The following SPOCK3 variants were observed in gnomAD, a reference collection of about 807,000 sequenced individuals.
SPOCK3 encodes SPARC (osteonectin), cwcv and kazal like domains proteoglycan 3.
SPOCK3 carries 30 observed loss-of-function variants against 56.6 expected under a neutral mutation model. The ratio of observed to expected loss-of-function variants is 0.53; its 90% CI spans 0.40 to 0.72. The LOEUF is 0.72. SPOCK3 is among the 30% of genes least tolerant of loss of function. SPOCK3 has a pLI of 0.00. For synonymous variants in SPOCK3, 196 were observed against 183.3 expected (o/e 1.07, Z -0.56); for missense variants, 527 against 530.0 (o/e 0.99, Z 0.06).
chr4:166,890,294 A>G (rs1734636522), intron 5 of SPOCK3, among the ~76,000 whole-genome samples: 1 of 151,870 alleles, frequency 6.6e-6, no homozygotes, highest in African/African-American at 2.4e-5. Context: ...TCTGAGTACC[A>G]TCTCCTAAAA....
intron 6 of SPOCK3, among the ~76,000 whole-genome samples, chr4:166,830,599 T>C (rs1467288951): frequency 3.9e-5 from 6 of 152,048 alleles, no homozygotes; most frequent in African/African-American, 1.4e-4. Flanking sequence ...CAAAAATTAG[T>C]GGCATATGCC....
At chr4:166,929,887 T>C (rs1029550461) in intron 4 of SPOCK3, among the ~76,000 whole-genome samples, 2 of 152,012 alleles carry the variant, frequency 1.3e-5, no homozygotes, top group African/African-American at 4.8e-5. Context: ...ATATGTATAA[T>C]GTTTGCATCA....
At chr4:166,751,143 T>A (rs72982162) in intron 8 of SPOCK3, among the ~76,000 whole-genome samples, 66 of 152,332 alleles carry the variant, frequency 4.3e-4, no homozygotes, top group African/African-American at 1.5e-3. Flanking sequence ...CTTTTAAAAC[T>A]TTATTAGATT....
intron 8 of SPOCK3, among the ~76,000 whole-genome samples, chr4:166,745,850 A>C (rs1173175636): frequency 6.6e-6 from 1 of 152,216 alleles, no homozygotes; most frequent in African/African-American, 2.4e-5. Flanking sequence ...GTCTCTGATA[A>C]AACAGACTTT....
At chr4:167,039,768 T>C (rs146689595) in intron 3 of SPOCK3, among the ~76,000 whole-genome samples, 163 of 152,270 alleles carry the variant, frequency 1.1e-3, no homozygotes, top group Non-Finnish European at 1.9e-3. Context: ...TAAAAGGTGT[T>C]ATCTGTATTT....
intron 9 of SPOCK3, among the ~76,000 whole-genome samples, chr4:166,738,535 T>C (rs182103259): frequency 4.6e-5 from 7 of 151,304 alleles, no homozygotes; most frequent in African/African-American, 1.7e-4. Flanking sequence ...TAGTTACATA[T>C]GTATACATGT....
chr4:166,796,729 T>C (rs1380698302), intron 6 of SPOCK3, among the ~76,000 whole-genome samples: 1 of 152,168 alleles, frequency 6.6e-6, no homozygotes, highest in Non-Finnish European at 1.5e-5. Flanking sequence ...ATGCAACACA[T>C]CATTCCTTAC....
intron 2 of SPOCK3, among the ~76,000 whole-genome samples, chr4:167,199,073 A>G (rs1287479286): frequency 6.6e-6 from 1 of 152,134 alleles, no homozygotes; most frequent in African/African-American, 2.4e-5. Context: ...AACAAATCAG[A>G]AAAGTAAAAA....
At chr4:166,925,060 G>A (rs1579667780) in intron 4 of SPOCK3, among the ~76,000 whole-genome samples, 1 of 152,072 alleles carries the variant, frequency 6.6e-6, no homozygotes, top group African/African-American at 2.4e-5. Context: ...GATATATAGA[G>A]AGATAAATAT....
chr4:166,984,713 T>C (rs1746949144), intron 4 of SPOCK3, among the ~76,000 whole-genome samples: 1 of 152,102 alleles, frequency 6.6e-6, no homozygotes, highest in Non-Finnish European at 1.5e-5. Flanking sequence ...AATAAAATCC[T>C]CTCTTCTAAG....
chr4:166,847,098 A>G (rs1748131531), intron 6 of SPOCK3, among the ~76,000 whole-genome samples: 1 of 152,138 alleles, frequency 6.6e-6, no homozygotes, highest in Admixed American at 6.5e-5. Context: ...GAAGAAAACA[A>G]AAATCAAGCA....
intron 3 of SPOCK3, among the ~76,000 whole-genome samples, chr4:167,054,888 T>TTATG (rs1054620283): frequency 3.3e-5 from 5 of 152,108 alleles, no homozygotes; most frequent in African/African-American, 9.7e-5. Context: ...ATCGATATGT[T>TTATG]TATGTATGTA....
At chr4:166,840,105 T>C (rs568316802) in intron 6 of SPOCK3, among the ~76,000 whole-genome samples, 3 of 152,340 alleles carry the variant, frequency 2.0e-5, no homozygotes, top group Middle Eastern at 3.4e-3. Context: ...GAATTCCCAG[T>C]AATATCTTCA....
At chr4:167,068,395 TAGTTC>T (rs1386939408) in intron 2 of SPOCK3, among the ~76,000 whole-genome samples, 1 of 151,790 alleles carries the variant, frequency 6.6e-6, no homozygotes, top group African/African-American at 2.4e-5. Context: ...ACTATTAATA[TAGTTC>T]TAGTTCATAA....
At chr4:166,972,998 T>C (rs1050556328) in intron 4 of SPOCK3, among the ~76,000 whole-genome samples, 2 of 152,124 alleles carry the variant, frequency 1.3e-5, no homozygotes, top group Non-Finnish European at 2.9e-5. Context: ...CGTTCGGCTC[T>C]GTTTACCCAC....
chr4:167,111,100 A>G (rs2150347140), intron 2 of SPOCK3, among the ~76,000 whole-genome samples: 1 of 152,058 alleles, frequency 6.6e-6, no homozygotes, highest in African/African-American at 2.4e-5. Context: ...TTTTGAAATA[A>G]ATGACATATT....
intron 2 of SPOCK3, among the ~76,000 whole-genome samples, chr4:167,145,392 G>C (rs750340632): frequency 1.5e-4 from 23 of 152,016 alleles, no homozygotes; most frequent in Non-Finnish European, 2.9e-4. Flanking sequence ...TTATAAACAT[G>C]GGAAGCATAT....
In SPOCK3 at chr4:167,165,472, G is replaced by C. The variant is rs142136486; in HGVS notation, c.189+68513C>G. ...ATATGAAAAAAAGCTTATCATCACT[G>C]GTCATTAGAGAAATGCAAATCAAAA... On this transcript the variant is annotated intron_variant, in intron 2 of 10. Transcript: ENST00000357545. Among the ~76,000 whole-genome samples the C allele has an allele frequency of 3.3e-3, 499 of 152,092 alleles. 3 individuals are homozygous for C. Among genetic ancestry groups the C allele is most frequent in the Non-Finnish European group, 5.5e-3 (376 of 67,984 alleles).
chr4:166,741,724 G>A (rs1734862423), intron 9 of SPOCK3, among the ~76,000 whole-genome samples: 1 of 152,052 alleles, frequency 6.6e-6, no homozygotes, highest in African/African-American at 2.4e-5. Context: ...TGAATTTTCT[G>A]CTGATGTTTT....
Sources: allele counts gnomAD v4.1 joint callset (sites outside exome capture counted in the v4.1 genomes callset), GRCh38; gene constraint gnomAD v4.1.1; transcripts MANE v1.5; gene names NCBI Gene and HGNC (gene_info 2026-07-23, HGNC 2026-07-21).